Variants in CARMIL1 observed in about 807,000 individuals in gnomAD.
CARMIL1 encodes F-actin-uncapping protein LRRC16A.
In CARMIL1, 90 loss-of-function variants were observed where a neutral mutation model predicts 177.1. The ratio of observed to expected loss-of-function variants is 0.51; its 90% CI spans 0.43 to 0.61. CARMIL1 has a LOEUF of 0.61. CARMIL1 is among the 20% of genes least tolerant of loss of function. The probability of loss-of-function intolerance (pLI) is 0.00; values close to 1 mark genes in which losing one functional copy is unlikely to be tolerated. For missense variants in CARMIL1, 1,380 were observed against 1,667.0 expected, an observed-to-expected ratio of 0.83 and a Z score of 3.00; for synonymous variants, 577 against 606.2, an observed-to-expected ratio of 0.95 and a Z score of 0.71.
At chr6:25,385,177 A>G (rs1181439155) in intron 2 of CARMIL1, among the ~76,000 whole-genome samples, 1 of 152,198 alleles carries the variant, frequency 6.6e-6, no homozygotes, top group East Asian at 1.9e-4. Context: ...TCCAGTTCAC[A>G]GAAGGGAGGA....
At chr6:25,316,682 A>T (rs571906931) in intron 2 of CARMIL1, among the ~76,000 whole-genome samples, 265 of 152,000 alleles carry the variant, frequency 1.7e-3, no homozygotes, top group Non-Finnish European at 3.3e-3. Context: ...AAAGTGCTGG[A>T]ATTAGACATG....
At chr6:25,453,368 T>G (rs1301341308) in intron 8 of CARMIL1, among the ~76,000 whole-genome samples, 1 of 152,226 alleles carries the variant, frequency 6.6e-6, no homozygotes, top group Non-Finnish European at 1.5e-5. Flanking sequence ...CGTTGTCATT[T>G]TTTTGTGATA....
intron 5 of CARMIL1, among the ~76,000 whole-genome samples, chr6:25,442,698 A>G (rs1011270365): frequency 1.3e-5 from 2 of 152,182 alleles, no homozygotes; most frequent in Non-Finnish European, 2.9e-5. Flanking sequence ...AACTTGTTTC[A>G]TGAGACTACT....
At chr6:25,534,171 TCTC>T (rs1021011061) in intron 24 of CARMIL1, among the ~76,000 whole-genome samples, 2 of 152,044 alleles carry the variant, frequency 1.3e-5, no homozygotes. Context: ...ATTTTATGTG[TCTC>T]CTCCTGCTTT....
rs9358856 is a variant in CARMIL1 at position 25,426,540 on chromosome 6, G to A, written c.229G>A (p.Val77Ile). 232,664 of 1,610,102 alleles carry A rather than the reference G, an allele frequency of 0.14. 17,584 individuals are homozygous for A. The highest frequency in any genetic ancestry group is 0.22 in the East Asian group (9,869 of 44,734). The change falls in exon 4 of 37, where the codon GTT becomes ATT. Residue 77 changes from valine (V) to isoleucine (I), a missense_variant. Transcript: ENST00000329474. ...TFSYLEIHGVVCSKSAQMIVE... is the reference protein window; with the variant it reads ...TFSYLEIHGVICSKSAQMIVE... ...CAGCTACTTGGAGATTCATGGCGTC[G>A]TTTGCAGCAAGTCAGCTCAGGTGAG...
intron 26 of CARMIL1, among the ~76,000 whole-genome samples, chr6:25,541,372 A>G (rs905319203): frequency 5.9e-5 from 9 of 152,224 alleles, no homozygotes; most frequent in Admixed American, 5.2e-4. Flanking sequence ...GAATACAATT[A>G]TAGGTTGATG....
chr6:25,469,435 T>C (rs1388781346), intron 9 of CARMIL1, among the ~76,000 whole-genome samples: 1 of 152,228 alleles, frequency 6.6e-6, no homozygotes, highest in Non-Finnish European at 1.5e-5. Context: ...TTATATGCTG[T>C]GGCACATAGA....
Position 25,583,909 on chromosome 6 carries a change from A to G in CARMIL1, c.3006+2470A>G, listed in dbSNP as rs148125291. Among the ~76,000 whole-genome samples, 606 of 151,656 alleles carry G rather than the reference A, an allele frequency of 4.0e-3. 4 individuals carry two copies. Among genetic ancestry groups the G allele is most frequent in the African/African-American group, 0.014 (588 of 41,340 alleles). ...ATGGTTTCTCTATGGCTCTTTCCAT[A>G]TGGAATAACACTAACAATATAACTT... On this transcript the variant is annotated intron_variant, in intron 31 of 36. Coordinates refer to ENST00000329474, the MANE Select transcript of CARMIL1 (RefSeq NM_017640.6).
chr6:25,560,786 G>A (rs1811041410), intron 29 of CARMIL1, among the ~76,000 whole-genome samples: 1 of 152,134 alleles, frequency 6.6e-6, no homozygotes, highest in Non-Finnish European at 1.5e-5. Flanking sequence ...CTGTAAAATA[G>A]GTGCTTACTA....
At chr6:25,605,953 G>A (rs2294345) in intron 34 of CARMIL1, 108 bp from the exon 35 acceptor site, 304,773 of 708,204 alleles carry the variant, frequency 0.43, 67,161 homozygotes, top group Non-Finnish European at 0.46. Context: ...TAAAACATCC[G>A]TGATGAGAAA....
intron 1 of CARMIL1, 40 bp downstream of exon 1, chr6:25,279,875 C>T (rs1281456486): frequency 1.9e-6 from 3 of 1,607,272 alleles, no homozygotes; most frequent in Non-Finnish European, 1.7e-6. Context: ...CCTTCCTCTG[C>T]GTACTCCTCA....
chr6:25,355,459 A>G (rs1788499098), intron 2 of CARMIL1, among the ~76,000 whole-genome samples: 1 of 152,140 alleles, frequency 6.6e-6, no homozygotes, highest in South Asian at 2.1e-4. Context: ...CCTGGGAAAC[A>G]TAGGGAGACT....
intron 8 of CARMIL1, among the ~76,000 whole-genome samples, chr6:25,463,862 G>T (rs1224994053): frequency 8.1e-6 from 1 of 123,698 alleles, no homozygotes; most frequent in Non-Finnish European, 1.6e-5. Flanking sequence ...TCGCTCTGTC[G>T]CCCAGGCTGG....
At chr6:25,421,971 G>T (rs1023516493) in intron 3 of CARMIL1, among the ~76,000 whole-genome samples, 21 of 151,672 alleles carry the variant, frequency 1.4e-4, no homozygotes, top group African/African-American at 5.1e-4. Context: ...GTATACATAT[G>T]TAACTAACCT....
At chr6:25,380,359 G>A (rs1379086143) in intron 2 of CARMIL1, among the ~76,000 whole-genome samples, 1 of 152,186 alleles carries the variant, frequency 6.6e-6, no homozygotes, top group Non-Finnish European at 1.5e-5. Context: ...GTTCTGCCAT[G>A]GTAGTGTGAA....
chr6:25,488,586 G>GT lies in CARMIL1; in HGVS notation c.1065+2dup. 3.1e-6 allele frequency: 5 copies of GT among 1,608,680 alleles called. No individual in the cohort carries two copies. The highest frequency in any genetic ancestry group is 4.3e-6 in the Non-Finnish European group (5 of 1,175,072). ...CGTCCTTCGTGGAGATGACCTCTCA[G>GT]TAAGTTTTCTTTTCTTTATTCCATC... On this transcript the variant is annotated splice_donor_variant, in intron 13 of 36. Coordinates refer to ENST00000329474, the MANE Select transcript of CARMIL1 (RefSeq NM_017640.6). LOFTEE classifies it high-confidence loss of function.
intron 2 of CARMIL1, among the ~76,000 whole-genome samples, chr6:25,391,956 A>C (rs533405943): frequency 6.6e-6 from 1 of 152,310 alleles, no homozygotes; most frequent in East Asian, 1.9e-4. Context: ...TCAATGACAG[A>C]GTTAGAAATT....
rs1167312916 is a variant in CARMIL1 at position 25,498,898 on chromosome 6, A to C, written c.1326-1268A>C. Among the ~76,000 whole-genome samples, 3 of 152,376 alleles carry C rather than the reference A, an allele frequency of 2.0e-5. No homozygotes were observed. In the East Asian group the frequency reaches 5.8e-4, roughly 29 times the overall value. On this transcript the variant is annotated intron_variant, in intron 16 of 36. Transcript: ENST00000329474. ...AATTGAACAAGTACACAGATGAGATATACCCAGTCTTTCTCAAAGGACACT... is the reference window on the plus strand; with the variant it reads ...AATTGAACAAGTACACAGATGAGATCTACCCAGTCTTTCTCAAAGGACACT...
At chr6:25,425,242 G>A (rs1269594007) in intron 3 of CARMIL1, among the ~76,000 whole-genome samples, 1 of 152,146 alleles carries the variant, frequency 6.6e-6, no homozygotes, top group Non-Finnish European at 1.5e-5. Context: ...AGTTGACCAA[G>A]TGAATAATGA....
Sources: allele counts gnomAD v4.1 joint callset (sites outside exome capture counted in the v4.1 genomes callset), GRCh38; gene constraint gnomAD v4.1.1; transcripts MANE v1.5; gene names NCBI Gene and HGNC (gene_info 2026-07-23, HGNC 2026-07-21).